Variants in ELAPOR2 observed in about 807,000 individuals in gnomAD.
ELAPOR2 encodes the protein endosome-lysosome associated apoptosis and autophagy regulator family member 2, also known as endosome/lysosome-associated apoptosis and autophagy regulator family member 2.
In ELAPOR2, 89 loss-of-function variants were observed where a neutral mutation model predicts 120.7. The observed-to-expected ratio is 0.74, with a 90% CI of 0.62 to 0.88. The LOEUF is 0.88. Among genes scored for constraint, ELAPOR2 ranks in the 40% least tolerant of loss-of-function variants. The probability of loss-of-function intolerance (pLI) is 0.00; values close to 1 mark genes in which losing one functional copy is unlikely to be tolerated. For synonymous variants in ELAPOR2, 444 were observed against 444.9 expected (o/e 1.00, Z 0.03); for missense variants, 1,134 against 1,251.6 (o/e 0.91, Z 1.42).
In ELAPOR2 at chr7:87,015,158, T is replaced by G. The variant is rs556999646; in HGVS notation, c.189+44167A>C. Among the ~76,000 whole-genome samples the G allele has an allele frequency of 7.2e-4, 109 of 152,352 alleles. 3 individuals are homozygous for G. In the South Asian group the frequency reaches 8.5e-3, roughly 12 times the overall value. On this transcript the variant is annotated intron_variant, in intron 1 of 21. Transcript: ENST00000450689. ...AGAATATTACAAAGTCTGTCTTTAA[T>G]TTTTTGCAAATATTTTTGCACTATA...
intron 1 of ELAPOR2, among the ~76,000 whole-genome samples, chr7:87,052,507 T>C (rs1025880335): frequency 5.9e-5 from 9 of 152,176 alleles, no homozygotes; most frequent in Non-Finnish European, 1.2e-4. Context: ...CCTTTCTTTA[T>C]ACTGAGCGCA....
chr7:86,916,955 A>ATTTTT (rs58682563), intron 12 of ELAPOR2, among the ~76,000 whole-genome samples: 4 of 86,682 alleles, frequency 4.6e-5, no homozygotes, highest in Non-Finnish European at 8.6e-5. Flanking sequence ...TGGCCAGCTA[A>ATTTTT]TTTTTTTTTT....
Position 86,962,163 on chromosome 7 carries a change from T to C in ELAPOR2, c.310+2741A>G, listed in dbSNP as rs560509828. Among the ~76,000 whole-genome samples the C allele has an allele frequency of 3.3e-5, 5 of 152,250 alleles. No individual in the cohort carries two copies. In the South Asian group the frequency reaches 1.0e-3, roughly 32 times the overall value. On this transcript the variant is annotated intron_variant, in intron 2 of 21. Coordinates refer to ENST00000450689, the MANE Select transcript of ELAPOR2 (RefSeq NM_001142749.3). ...TCTTATGTAATCTTTAAAAAACAAA[T>C]ATATAATATAGCTTGCCAATCAATT...
chr7:86,988,097 A>G (rs1792816256), intron 1 of ELAPOR2, among the ~76,000 whole-genome samples: 1 of 152,184 alleles, frequency 6.6e-6, no homozygotes, highest in African/African-American at 2.4e-5. Context: ...TATCACAAGG[A>G]CAGAAAACCA....
intron 1 of ELAPOR2, among the ~76,000 whole-genome samples, chr7:87,001,815 T>TA (rs1793328996): frequency 6.6e-6 from 1 of 152,168 alleles, no homozygotes; most frequent in Non-Finnish European, 1.5e-5. Flanking sequence ...AAACCTGAGT[T>TA]ACCTAAATTT....
At chr7:87,055,821 A>G (rs914398003) in intron 1 of ELAPOR2, among the ~76,000 whole-genome samples, 7 of 152,222 alleles carry the variant, frequency 4.6e-5, no homozygotes, top group Non-Finnish European at 8.8e-5. Context: ...TTTGTCTAGC[A>G]CATGGTATAA....
intron 1 of ELAPOR2, among the ~76,000 whole-genome samples, chr7:86,996,852 T>A (rs1339670681): frequency 1.3e-5 from 2 of 152,162 alleles, no homozygotes; most frequent in African/African-American, 2.4e-5. Context: ...AATCTTTTTA[T>A]CCTAGATACA....
intron 1 of ELAPOR2, among the ~76,000 whole-genome samples, chr7:87,020,837 A>G (rs1447515521): frequency 6.6e-6 from 1 of 152,148 alleles, no homozygotes; most frequent in Non-Finnish European, 1.5e-5. Context: ...ATTCCTCTTT[A>G]AAATTTACCA....
At chr7:86,952,450 T>C (rs1188905340) in intron 2 of ELAPOR2, among the ~76,000 whole-genome samples, 1 of 152,210 alleles carries the variant, frequency 6.6e-6, no homozygotes, top group Admixed American at 6.5e-5. Context: ...GTTCAAAAAA[T>C]TATTACAACC....
intron 1 of ELAPOR2, among the ~76,000 whole-genome samples, chr7:87,033,279 A>G (rs891652073): frequency 6.6e-6 from 1 of 152,230 alleles, no homozygotes; most frequent in Admixed American, 6.5e-5. Context: ...GACTTCTGTG[A>G]GAAAAGTGTT....
chr7:86,913,095 G>A lies in ELAPOR2; in HGVS notation c.1841C>T (p.Ser614Leu), dbSNP rs146838031. The A allele has an allele frequency of 1.8e-4, 287 of 1,614,040 alleles. No individual in the cohort carries two copies. In the African/African-American group the frequency reaches 2.5e-3, roughly 14 times the overall value. Residue 614 changes from serine to leucine, a missense_variant, in exon 14 of 22, where the codon TCG becomes TTG. Transcript: ENST00000450689. Reference sequence around the variant, plus strand: ...AGGGCAGGGGACACACGATGAACCCGACTGTTCAGAACCGAGGGCACAGGC... The same window carrying A: ...AGGGCAGGGGACACACGATGAACCCAACTGTTCAGAACCGAGGGCACAGGC... ...CRACALGSEQ[S>L]GSSCVPCPPG... is the part of the protein sequence containing the mutation.
At chr7:86,984,328 A>G (rs569593569) in intron 1 of ELAPOR2, among the ~76,000 whole-genome samples, 2 of 152,348 alleles carry the variant, frequency 1.3e-5, no homozygotes, top group East Asian at 3.9e-4. Context: ...GCTCTGCACC[A>G]AGCTGACCTA....
At chr7:87,019,690 T>C (rs113922043) in intron 1 of ELAPOR2, among the ~76,000 whole-genome samples, 4 of 152,322 alleles carry the variant, frequency 2.6e-5, no homozygotes, top group African/African-American at 9.6e-5. Context: ...ATATTGCTGG[T>C]AGTATGTAAA....
chr7:86,973,567 G>A (rs1440050802), intron 1 of ELAPOR2, among the ~76,000 whole-genome samples: 1 of 152,100 alleles, frequency 6.6e-6, no homozygotes, highest in African/African-American at 2.4e-5. Context: ...TGAGAGGTCT[G>A]CTTCACATAC....
chr7:86,909,019 T>C (rs930023668), intron 16 of ELAPOR2, among the ~76,000 whole-genome samples: 2 of 151,984 alleles, frequency 1.3e-5, no homozygotes, highest in Admixed American at 6.6e-5. Context: ...TTGCTTAATC[T>C]AGTAAGCAGA....
rs545307015 is a variant in ELAPOR2 at position 86,925,671 on chromosome 7, T to G, written c.1271-15A>C. The G allele has an allele frequency of 6.2e-7, 1 of 1,610,184 alleles. No homozygotes were observed. Among genetic ancestry groups the G allele is most frequent in the African/African-American group, 1.3e-5 (1 of 74,818 alleles). On this transcript the variant is annotated splice_polypyrimidine_tract_variant and intron_variant, in intron 9 of 21. Coordinates refer to ENST00000450689, the MANE Select transcript of ELAPOR2 (RefSeq NM_001142749.3). Reference sequence around the variant, plus strand: ...TGGTCTACATTCTACAGGAGACAAGTAGGGTCAACAATTAAAATTAAACTG... The same window carrying G: ...TGGTCTACATTCTACAGGAGACAAGGAGGGTCAACAATTAAAATTAAACTG...
chr7:86,984,664 T>C (rs967438429), intron 1 of ELAPOR2, among the ~76,000 whole-genome samples: 2 of 152,210 alleles, frequency 1.3e-5, no homozygotes, highest in African/African-American at 4.8e-5. Context: ...TGTACCAGTA[T>C]CTCTGGGACA....
intron 1 of ELAPOR2, among the ~76,000 whole-genome samples, chr7:87,052,330 C>T (rs1488448062): frequency 1.3e-5 from 2 of 152,198 alleles, no homozygotes; most frequent in Non-Finnish European, 2.9e-5. Flanking sequence ...TACAGGGAAA[C>T]TCCCCCTTAT....
chr7:86,939,517 T>C (rs1279045443), intron 6 of ELAPOR2, among the ~76,000 whole-genome samples: 3 of 152,076 alleles, frequency 2.0e-5, no homozygotes, highest in Admixed American at 6.6e-5. Context: ...ATACTCCTAA[T>C]TGAGAATGAA....
Sources: allele counts gnomAD v4.1 joint callset (sites outside exome capture counted in the v4.1 genomes callset), GRCh38; gene constraint gnomAD v4.1.1; transcripts MANE v1.5; gene names NCBI Gene and HGNC (gene_info 2026-07-23, HGNC 2026-07-21).